Variants in DAAM2 observed in about 807,000 individuals in gnomAD.
DAAM2 encodes dishevelled associated activator of morphogenesis 2.
In DAAM2, 39 loss-of-function variants were observed where a neutral mutation model predicts 120.7. The observed-to-expected ratio is 0.32, with a 90% CI of 0.25 to 0.42. DAAM2 has a LOEUF of 0.42. DAAM2 is among the 10% of genes least tolerant of loss of function. The pLI is 1.00. For synonymous variants in DAAM2, 488 were observed against 524.9 expected (o/e 0.93, Z 0.96); for missense variants, 1,283 against 1,401.7 (o/e 0.92, Z 1.35).
chr6:39,895,227 CTTAT>C (rs59537611), intron 19 of DAAM2, among the ~76,000 whole-genome samples: 28 of 137,750 alleles, frequency 2.0e-4, no homozygotes, highest in Non-Finnish European at 2.7e-4. Context: ...ACTTTATTTA[CTTAT>C]TTATTTATTT....
intron 1 of DAAM2, among the ~76,000 whole-genome samples, chr6:39,828,603 G>A (rs182385624): frequency 6.0e-5 from 8 of 133,370 alleles, no homozygotes; most frequent in Middle Eastern, 4.5e-3. Context: ...TTGCTCTGTC[G>A]CCAGGCTGGA....
At chr6:39,895,525 T>G (rs1035882113) in intron 19 of DAAM2, among the ~76,000 whole-genome samples, 4 of 152,164 alleles carry the variant, frequency 2.6e-5, no homozygotes, top group African/African-American at 9.7e-5. Flanking sequence ...TTTTTAACAG[T>G]TACTTATTTC....
At chr6:39,882,732 C>T (rs1437610688) in intron 14 of DAAM2, among the ~76,000 whole-genome samples, 7 of 151,850 alleles carry the variant, frequency 4.6e-5, no homozygotes, top group African/African-American at 1.5e-4. Flanking sequence ...CACACACACA[C>T]ATACACACAC....
chr6:39,832,171 G>A (rs1322607496), intron 1 of DAAM2, among the ~76,000 whole-genome samples: 1 of 151,976 alleles, frequency 6.6e-6, no homozygotes, highest in Non-Finnish European at 1.5e-5. Flanking sequence ...GTGAGGAAAG[G>A]GTAGAGGGGC....
intron 1 of DAAM2, among the ~76,000 whole-genome samples, chr6:39,816,166 G>T (rs1421688369): frequency 6.6e-6 from 1 of 152,266 alleles, no homozygotes; most frequent in African/African-American, 2.4e-5. Flanking sequence ...ACTTGAGAAA[G>T]AATTTGATCC....
intron 17 of DAAM2, 151 bp downstream of exon 17, chr6:39,888,914 G>A: frequency 2.2e-6 from 1 of 447,674 alleles, no homozygotes; most frequent in Non-Finnish European, 4.0e-6. Context: ...CCCTGGGCCA[G>A]CCTTTCTTGG....
chr6:39,901,769 G>A lies in DAAM2; in HGVS notation c.2983-44G>A, dbSNP rs565556627. ...GTTGGGGGGCTGCCCTGGCCTCAGC[G>A]CCTCTCCCTGAGAGGGTTCCTATCT... On this transcript the variant is annotated intron_variant, in intron 24 of 24. Coordinates refer to ENST00000274867, the MANE Select transcript of DAAM2 (RefSeq NM_001201427.2). The surrounding 1 kb of genome is among the most constrained non-coding windows in gnomAD (Gnocchi z 4.5). 71 of 1,465,392 alleles carry A rather than the reference G, an allele frequency of 4.8e-5. No individual in the cohort carries two copies. The highest frequency in any genetic ancestry group is 4.2e-4 in the East Asian group (18 of 42,602). The allele number at this position is 1,465,392 out of a possible 1,614,324, so 90.8% of individuals were successfully genotyped here.
At chr6:39,892,555 G>A (rs772045677) in intron 19 of DAAM2, among the ~76,000 whole-genome samples, 3 of 152,150 alleles carry the variant, frequency 2.0e-5, no homozygotes, top group Non-Finnish European at 2.9e-5. Context: ...AGGTCAGGAC[G>A]GTGGGCAGAG....
intron 1 of DAAM2, among the ~76,000 whole-genome samples, chr6:39,850,479 T>C (rs180828437): frequency 2.0e-5 from 3 of 152,254 alleles, no homozygotes; most frequent in Admixed American, 2.0e-4. Context: ...AGGAGACTTT[T>C]AGGAAAGGGA....
intron 1 of DAAM2, among the ~76,000 whole-genome samples, chr6:39,843,926 T>A (rs536467637): frequency 9.2e-5 from 14 of 152,264 alleles, no homozygotes; most frequent in African/African-American, 3.4e-4. Flanking sequence ...ACGAGCTGTG[T>A]TCTGCTTGCA....
chr6:39,814,358 T>C (rs760340798), intron 1 of DAAM2, among the ~76,000 whole-genome samples: 1 of 152,100 alleles, frequency 6.6e-6, no homozygotes, highest in Non-Finnish European at 1.5e-5. Flanking sequence ...CCAGCTCCTA[T>C]GTGAGTTGGG....
At chr6:39,884,261 T>C (rs3003930) in intron 15 of DAAM2, 192 bp downstream of exon 15, 293,069 of 531,254 alleles carry the variant, frequency 0.55, 82,531 homozygotes, top group South Asian at 0.62. Context: ...TATGAGGTGA[T>C]GATTTTATTC....
chr6:39,801,160 C>G (rs1020475372), intron 1 of DAAM2, among the ~76,000 whole-genome samples: 2 of 152,096 alleles, frequency 1.3e-5, no homozygotes, highest in Non-Finnish European at 2.9e-5. Context: ...TATATAAAAT[C>G]GTTTTAGAGG....
chr6:39,904,362 G>A lies in DAAM2; in HGVS notation c.*2325G>A, dbSNP rs866216112. The stretch of plus-strand genomic sequence containing the variant: ...GATCTCCAACAGTGCCTTGGACCAT[G>A]GACTCATACTCAACTGAGTAAGAAG... On this transcript the variant is annotated 3_prime_UTR_variant, in exon 25 of 25. Coordinates refer to ENST00000274867, the MANE Select transcript of DAAM2 (RefSeq NM_001201427.2). 2.2e-5 allele frequency: 10 copies of A among 456,662 alleles called. No individual in the cohort carries two copies. The Middle Eastern group carries it at 3.3e-3, about 150-fold the overall frequency. 28.3% of individuals were successfully genotyped at this position (456,662 alleles called of 1,614,324 possible). A position where few individuals can be genotyped will look rare whatever the true frequency, so the allele number is the denominator to read the frequency against.
intron 1 of DAAM2, among the ~76,000 whole-genome samples, chr6:39,825,311 C>T (rs1762626978): frequency 6.6e-6 from 1 of 151,938 alleles, no homozygotes; most frequent in Non-Finnish European, 1.5e-5. Flanking sequence ...AATGCTTGAA[C>T]CCGGGAGGTG....
intron 1 of DAAM2, among the ~76,000 whole-genome samples, chr6:39,814,717 C>G (rs571363982): frequency 6.6e-6 from 1 of 152,270 alleles, no homozygotes; most frequent in South Asian, 2.1e-4. Context: ...CAAGGGGTGC[C>G]CTCCCACCAT....
chr6:39,897,285 G>A lies in DAAM2; in HGVS notation c.2618+3G>A. On this transcript the variant is annotated splice_donor_region_variant and intron_variant, in intron 21 of 24. Coordinates refer to ENST00000274867, the MANE Select transcript of DAAM2 (RefSeq NM_001201427.2). ...CTTCCAGAAGCTGCCAAAGTCAAGT[G>A]AGGGTTCTCTCCAAGACTTCCTTCT... 6.4e-7 allele frequency: 1 copy of A among 1,571,404 alleles called. No homozygotes were observed. The highest frequency in any genetic ancestry group is 8.8e-7 in the Non-Finnish European group (1 of 1,141,716).
At chr6:39,842,946 C>G (rs140114141) in intron 1 of DAAM2, among the ~76,000 whole-genome samples, 104 of 152,122 alleles carry the variant, frequency 6.8e-4, no homozygotes, top group African/African-American at 2.4e-3. Context: ...AAAATAGTCT[C>G]CTGCTTTTAT....
chr6:39,819,247 C>T (rs1034633994), intron 1 of DAAM2: 7 of 152,194 alleles, frequency 4.6e-5, no homozygotes, highest in African/African-American at 1.4e-4. Context: ...CACAGGGAGG[C>T]CTGTGGAAGG....
Sources: allele counts gnomAD v4.1 joint callset (sites outside exome capture counted in the v4.1 genomes callset), GRCh38; gene constraint gnomAD v4.1.1; non-coding constraint Gnocchi (gnomAD v3.1); transcripts MANE v1.5; gene names NCBI Gene and HGNC (gene_info 2026-07-23, HGNC 2026-07-21).